Variants in EFHC2 observed in about 807,000 individuals in gnomAD.
The protein encoded by EFHC2 is EF-hand domain-containing family member C2.
EFHC2 carries 18 observed loss-of-function variants against 52.7 expected under a neutral mutation model. The observed-to-expected ratio is 0.34, with a 90% CI of 0.24 to 0.51. The LOEUF is 0.51. Ranked by LOEUF, EFHC2 falls within the 20% of genes least tolerant of loss-of-function variation. The pLI is 0.97. For synonymous variants in EFHC2, 203 were observed against 204.1 expected (o/e 0.99, Z 0.04); for missense variants, 513 against 562.5 (o/e 0.91, Z 0.89).
intron 8 of EFHC2, among the ~76,000 whole-genome samples, chrX:44,237,614 A>C (rs747444193): frequency 1.8e-5 from 2 of 111,822 alleles, no homozygotes; most frequent in South Asian, 7.5e-4. Flanking sequence ...CTCTACCTAA[A>C]CTGCTCTTGT....
At chrX:44,243,892 C>A (rs1035772129) in intron 7 of EFHC2, among the ~76,000 whole-genome samples, 2 of 111,920 alleles carry the variant, frequency 1.8e-5, no homozygotes, top group African/African-American at 3.2e-5. Flanking sequence ...ATCTAACACA[C>A]CACTGTTTGG....
intron 13 of EFHC2, among the ~76,000 whole-genome samples, chrX:44,173,544 G>T (rs2036761631): frequency 8.9e-6 from 1 of 111,927 alleles, no homozygotes; most frequent in Non-Finnish European, 1.9e-5. Context: ...TCATGGCAGG[G>T]CATATTGGAG....
intron 2 of EFHC2, among the ~76,000 whole-genome samples, chrX:44,287,587 G>A (rs1485263215): frequency 8.9e-6 from 1 of 112,622 alleles, no homozygotes. Flanking sequence ...CAATGCAAAT[G>A]TGCAAAATTT....
At chrX:44,249,009 G>T in intron 5 of EFHC2, 93 bp from the exon 6 acceptor site, 1 of 480,506 alleles carries the variant, frequency 2.1e-6, no homozygotes, top group South Asian at 6.3e-5. Flanking sequence ...GGCACTCAAT[G>T]AATATTTGTT....
chrX:44,200,875 A>G (rs2037001786), intron 11 of EFHC2, among the ~76,000 whole-genome samples: 1 of 112,266 alleles, frequency 8.9e-6, no homozygotes, highest in Non-Finnish European at 1.9e-5. Flanking sequence ...TATATTAACA[A>G]GAGACGTACC....
Position 44,272,854 on chromosome X carries a change from A to G in EFHC2, c.232-18T>C. 1 of 1,120,269 alleles carries G rather than the reference A, an allele frequency of 8.9e-7. No individual in the cohort carries two copies. The highest frequency in any genetic ancestry group is 1.2e-6 in the Non-Finnish European group (1 of 840,245). 92.3% of individuals were successfully genotyped at this position (1,120,269 alleles called of 1,213,427 possible). ...GATAATACCTGTTGGAATAATAATTAGAAACTAAGAAATGAAAAGAAAATT... is the reference window on the plus strand; with the variant it reads ...GATAATACCTGTTGGAATAATAATTGGAAACTAAGAAATGAAAAGAAAATT... On this transcript the variant is annotated intron_variant, in intron 2 of 14. Transcript: ENST00000420999.
intron 3 of EFHC2, among the ~76,000 whole-genome samples, chrX:44,262,531 A>AAAAAGAAAAGAAAAG (rs1556015629): frequency 4.3e-5 from 4 of 93,676 alleles, no homozygotes; most frequent in Admixed American, 1.4e-4. Flanking sequence ...AAAAAAAAAA[A>AAAAAGAAAAGAAAAG]AAAAGAAAAG....
intron 7 of EFHC2, among the ~76,000 whole-genome samples, chrX:44,243,927 T>C (rs192420291): frequency 2.2e-3 from 242 of 111,919 alleles, no homozygotes; most frequent in African/African-American, 7.4e-3. Flanking sequence ...AAGAACATCA[T>C]AGCCATGGCA....
At chrX:44,244,561 C>G (rs941916299) in intron 7 of EFHC2, among the ~76,000 whole-genome samples, 1 of 112,324 alleles carries the variant, frequency 8.9e-6, no homozygotes, top group Non-Finnish European at 1.9e-5. Flanking sequence ...TTCCAAGTGA[C>G]TTGTCAAAAC....
chrX:44,219,157 A>AAAAG (rs1556007042), intron 11 of EFHC2, among the ~76,000 whole-genome samples: 1 of 108,627 alleles, frequency 9.2e-6, no homozygotes, highest in East Asian at 2.8e-4. Context: ...AAAAAAAAAA[A>AAAAG]AAAGCACCTA....
intron 14 of EFHC2, among the ~76,000 whole-genome samples, chrX:44,149,353 C>A (rs760959490): frequency 8.1e-5 from 9 of 111,655 alleles, no homozygotes; most frequent in African/African-American, 2.9e-4. Flanking sequence ...GACTAAGAGC[C>A]AAGCTTAGCT....
chrX:44,250,428 C>T lies in EFHC2; in HGVS notation c.624G>A (p.Glu208=), dbSNP rs774216331. The change falls in exon 5 of 15, where the codon GAG becomes GAA. Residue 208 remains glutamate, a synonymous_variant. Coordinates refer to ENST00000420999, the MANE Select transcript of EFHC2 (RefSeq NM_025184.4). ...KIRREVVEHV[E]PLRPYESLDT... Reference sequence around the variant, plus strand: ...CGAGGGATTCGTAGGGACGTAAGGGCTCTACGTGTTCTACAACCTGCAAAT... The same window carrying T: ...CGAGGGATTCGTAGGGACGTAAGGGTTCTACGTGTTCTACAACCTGCAAAT... 8 of 1,195,746 alleles carry T rather than the reference C, an allele frequency of 6.7e-6. No individual in the cohort carries two copies. The highest frequency in any genetic ancestry group is 5.5e-5 in the South Asian group (3 of 54,196).
chrX:44,249,261 G>A (rs959831816), intron 5 of EFHC2, among the ~76,000 whole-genome samples: 5 of 111,176 alleles, frequency 4.5e-5, no homozygotes, highest in East Asian at 5.7e-4. Flanking sequence ...AAAGCCTCCC[G>A]GTGAGGACTG....
At chrX:44,190,358 A>G (rs1215447191) in intron 11 of EFHC2, among the ~76,000 whole-genome samples, 2 of 111,605 alleles carry the variant, frequency 1.8e-5, no homozygotes, top group African/African-American at 3.3e-5. Context: ...AAAGGAAAAG[A>G]GAACAGGTCT....
intron 11 of EFHC2, among the ~76,000 whole-genome samples, chrX:44,206,419 C>A (rs1227827441): frequency 9.0e-6 from 1 of 111,660 alleles, no homozygotes; most frequent in East Asian, 2.8e-4. Flanking sequence ...GCAGTCAAAT[C>A]ATCTCTGTTT....
chrX:44,323,066 T>C (rs2038031999), intron 1 of EFHC2, among the ~76,000 whole-genome samples: 1 of 111,947 alleles, frequency 8.9e-6, no homozygotes, highest in African/African-American at 3.2e-5. Context: ...AGAGCTTATA[T>C]GTTCTTTTCC....
At chrX:44,329,757 C>G (rs998338867) in intron 1 of EFHC2, among the ~76,000 whole-genome samples, 1 of 108,632 alleles carries the variant, frequency 9.2e-6, no homozygotes, top group Non-Finnish European at 1.9e-5. Flanking sequence ...TGCACCCCAC[C>G]ACACCGGGCT....
At chrX:44,330,891 C>T (rs1171459047) in intron 1 of EFHC2, among the ~76,000 whole-genome samples, 1 of 111,812 alleles carries the variant, frequency 8.9e-6, no homozygotes, top group Non-Finnish European at 1.9e-5. Context: ...ACACTAAATG[C>T]GGACCAGGGT....
chrX:44,214,199 A>C (rs1426745104), intron 11 of EFHC2, among the ~76,000 whole-genome samples: 5 of 112,141 alleles, frequency 4.5e-5, no homozygotes, highest in Non-Finnish European at 7.5e-5. Flanking sequence ...AATTCCCTAA[A>C]TTAATGTCAG....
Sources: gnomAD v4.1 joint callset for allele counts (sites outside exome capture counted in the v4.1 genomes callset) on GRCh38, gnomAD v4.1.1 for gene constraint, MANE v1.5 for transcripts, NCBI Gene and HGNC (gene_info 2026-07-23, HGNC 2026-07-21) for gene names.